Variants in PDZD8 observed in about 807,000 individuals in gnomAD.
The protein encoded by PDZD8 is PDZ domain-containing protein 8.
A neutral mutation model predicts 85.8 loss-of-function variants in PDZD8; 14 were observed. The observed-to-expected ratio is 0.16, with a 90% confidence interval of 0.11 to 0.26. The LOEUF (loss-of-function observed/expected upper bound fraction) is 0.26, where lower values mean the gene tolerates loss of function less well. Among genes scored for constraint, PDZD8 ranks in the 10% least tolerant of loss-of-function variants. The pLI, the probability that PDZD8 is intolerant of heterozygous loss-of-function variation, is 1.00. For synonymous variants in PDZD8, 592 were observed against 568.6 expected (o/e 1.04, Z -0.59); for missense variants, 1,197 against 1,424.3 (o/e 0.84, Z 2.57).
chr10:117,367,758 A>G (rs1047596337), intron 1 of PDZD8, among the ~76,000 whole-genome samples: 1 of 152,008 alleles, frequency 6.6e-6, no homozygotes, highest in South Asian at 2.1e-4. Flanking sequence ...ACATGGCAAA[A>G]CCCCATCTCT....
rs1180553401 is a variant in PDZD8 at position 117,314,277 on chromosome 10, G to A, written c.1098+4595C>T. ...TATCAATGATTTACCTTTTAGAATC[G>A]GATTACACTTTGATGAGAAAACAAT... On this transcript the variant is annotated intron_variant, in intron 3 of 4. Transcript: ENST00000334464. The A allele has an allele frequency of 2.6e-5, 4 of 152,058 alleles. No homozygotes were observed. The South Asian group carries it at 6.2e-4, about 24-fold the overall frequency. 9.4% of individuals were successfully genotyped at this position (152,058 alleles called of 1,614,324 possible). A position where few individuals can be genotyped will look rare whatever the true frequency, so the allele number is the denominator to read the frequency against.
intron 1 of PDZD8, among the ~76,000 whole-genome samples, chr10:117,347,405 G>A (rs1259552850): frequency 6.6e-6 from 1 of 152,086 alleles, no homozygotes; most frequent in Non-Finnish European, 1.5e-5. Flanking sequence ...CTACCTATAA[G>A]CTGGAAGATG....
intron 3 of PDZD8, among the ~76,000 whole-genome samples, chr10:117,313,519 A>C (rs573177689): frequency 6.6e-6 from 1 of 152,332 alleles, no homozygotes. Flanking sequence ...TCAATCATTC[A>C]GGACACTATA....
intron 2 of PDZD8, among the ~76,000 whole-genome samples, chr10:117,331,723 A>C (rs1054661976): frequency 6.6e-6 from 1 of 152,188 alleles, no homozygotes; most frequent in African/African-American, 2.4e-5. Context: ...GTTCCTACTT[A>C]GTTTTCTTAC....
rs183243128 is a variant in PDZD8, at chr10:117,359,178, G to A, written c.872+15178C>T. On this transcript the variant is annotated intron_variant, in intron 1 of 4. Transcript: ENST00000334464. Reference sequence around the variant, plus strand: ...GCCTGTAATCCCAGCACCTTGGGAGGCCGAGGTAAGTGGATGGATTGAGCC... The same window carrying A: ...GCCTGTAATCCCAGCACCTTGGGAGACCGAGGTAAGTGGATGGATTGAGCC... Among the ~76,000 whole-genome samples the A allele has an allele frequency of 3.9e-5, 6 of 152,314 alleles. No individual in the cohort carries two copies. The East Asian group carries it at 1.2e-3, about 29-fold the overall frequency.
chr10:117,333,090 G>A (rs1336580518), intron 2 of PDZD8, among the ~76,000 whole-genome samples: 1 of 123,004 alleles, frequency 8.1e-6, no homozygotes. Context: ...TTGCACTCCA[G>A]CCTGGACAGC....
In PDZD8 at chr10:117,304,548, C is replaced by T. The variant is rs144198847; in HGVS notation, c.1099-14200G>A. On this transcript the variant is annotated intron_variant, in intron 3 of 4. Coordinates refer to ENST00000334464, the MANE Select transcript of PDZD8 (RefSeq NM_173791.5). ...GTGAAGACATGAGATTTGGAGGGGC[C>T]AGGGGGGAATGATATGGTTTGGCTG... 3.5e-3 allele frequency among the ~76,000 whole-genome samples: 534 copies of T among 152,002 alleles called. 8 individuals carry two copies. The highest frequency in any genetic ancestry group is 0.012 in the African/African-American group (512 of 41,438).
chr10:117,334,047 T>C (rs1247119150), intron 2 of PDZD8, among the ~76,000 whole-genome samples: 1 of 152,214 alleles, frequency 6.6e-6, no homozygotes, highest in Non-Finnish European at 1.5e-5. Context: ...ACTTTAACAG[T>C]AGTGAAGTGT....
intron 1 of PDZD8, among the ~76,000 whole-genome samples, chr10:117,354,054 T>A (rs1844851611): frequency 6.6e-6 from 1 of 152,140 alleles, no homozygotes; most frequent in East Asian, 1.9e-4. Context: ...AACCTGGAGG[T>A]AACCTTTTAT....
chr10:117,363,260 T>A (rs1441820288), intron 1 of PDZD8, among the ~76,000 whole-genome samples: 1 of 152,072 alleles, frequency 6.6e-6, no homozygotes, highest in African/African-American at 2.4e-5. Flanking sequence ...GTTAGTATAA[T>A]CCCGTATGTA....
chr10:117,294,516 G>T (rs992383831), intron 3 of PDZD8, among the ~76,000 whole-genome samples: 2 of 152,088 alleles, frequency 1.3e-5, no homozygotes, highest in Admixed American at 1.3e-4. Context: ...TATAGTCAAA[G>T]AAAATGAAAT....
At chr10:117,315,831 C>T (rs963310339) in intron 3 of PDZD8, among the ~76,000 whole-genome samples, 2 of 151,976 alleles carry the variant, frequency 1.3e-5, no homozygotes, top group African/African-American at 4.8e-5. Flanking sequence ...TATTTGTAAG[C>T]ACTATACATT....
At chr10:117,335,040 A>C (rs971042224) in intron 2 of PDZD8, among the ~76,000 whole-genome samples, 8 of 152,218 alleles carry the variant, frequency 5.3e-5, no homozygotes, top group African/African-American at 1.9e-4. Flanking sequence ...CAAGAAGCTA[A>C]CTGAAATGGA....
chr10:117,285,156 G>A lies in PDZD8; in HGVS notation c.1577C>T (p.Pro526Leu), dbSNP rs1456304545. ...AAGGGGTTTAATAGAAAGTGTTGTT[G>A]GAACACGTTTGGGACTATGACTTAA... ...QSLSHSPKRV[P>L]TTLSIKPLGA... The change falls in exon 5 of 5, where the codon CCA becomes CTA. Residue 526 changes from proline to leucine, a missense_variant. This residue lies in a region of PDZD8 where 263 missense variants were observed against 261.9 expected (regional missense o/e 1.00). Transcript: ENST00000334464. 6.2e-7 allele frequency: 1 copy of A among 1,614,076 alleles called. No homozygotes were observed. The highest frequency in any genetic ancestry group is 1.1e-5 in the South Asian group (1 of 91,082).
intron 1 of PDZD8, among the ~76,000 whole-genome samples, chr10:117,356,666 A>T (rs1191266462): frequency 6.6e-6 from 1 of 152,206 alleles, no homozygotes; most frequent in African/African-American, 2.4e-5. Context: ...TAAGAGAATA[A>T]TATGTACTTT....
At chr10:117,310,342 G>C (rs1169559825) in intron 3 of PDZD8, among the ~76,000 whole-genome samples, 2 of 152,108 alleles carry the variant, frequency 1.3e-5, no homozygotes, top group Admixed American at 1.3e-4. Flanking sequence ...CTGTTGCTCT[G>C]ATTTCCCTAC....
At chr10:117,357,223 A>G (rs1258761661) in intron 1 of PDZD8, among the ~76,000 whole-genome samples, 1 of 151,438 alleles carries the variant, frequency 6.6e-6, no homozygotes, top group Non-Finnish European at 1.5e-5. Flanking sequence ...TGAAACCCCC[A>G]TCTCTACCAA....
At chr10:117,307,437 C>T (rs1843963077) in intron 3 of PDZD8, among the ~76,000 whole-genome samples, 2 of 151,990 alleles carry the variant, frequency 1.3e-5, no homozygotes, top group Non-Finnish European at 2.9e-5. Flanking sequence ...ACAACACTCT[C>T]AGTATTGATC....
intron 2 of PDZD8, among the ~76,000 whole-genome samples, chr10:117,328,061 G>C (rs1410960740): frequency 6.6e-6 from 1 of 151,970 alleles, no homozygotes; most frequent in Non-Finnish European, 1.5e-5. Context: ...GATTTGTTTT[G>C]CTCCAAAACT....
Sources: gnomAD v4.1 joint callset for allele counts (sites outside exome capture counted in the v4.1 genomes callset) on GRCh38, gnomAD v4.1.1 for gene constraint, gnomAD v4.1.1 regional missense constraint, MANE v1.5 for transcripts, NCBI Gene and HGNC (gene_info 2026-07-23, HGNC 2026-07-21) for gene names.